The following CSF2RA variants were observed in gnomAD, a reference collection of about 807,000 sequenced individuals.
The protein encoded by CSF2RA is colony stimulating factor 2 receptor subunit alpha.
Under a neutral mutation model 51.6 loss-of-function variants are expected in CSF2RA, and 42 were observed. That is an observed-to-expected ratio of 0.81 (90% confidence interval 0.64 to 1.05). CSF2RA has a LOEUF of 1.05. CSF2RA is among the 50% of genes least tolerant of loss of function. The pLI is 0.00. For synonymous variants in CSF2RA, 222 were observed against 193.0 expected (o/e 1.15, Z -1.24); for missense variants, 530 against 501.1 (o/e 1.06, Z -0.55).
At chrX:1,292,916 G>T (rs1166143240) in intron 7 of CSF2RA, among the ~76,000 whole-genome samples, 1 of 152,092 alleles carries the variant, frequency 6.6e-6, no homozygotes, top group Non-Finnish European at 1.5e-5. Context: ...TGTCTCAGTG[G>T]GGGGAACCCT....
At chrX:1,307,998 A>AC (rs1379326774) in intron 12 of CSF2RA, among the ~76,000 whole-genome samples, 11 of 113,360 alleles carry the variant, frequency 9.7e-5, no homozygotes, top group African/African-American at 3.8e-4. Flanking sequence ...GACAAGGCCC[A>AC]CCCCCTTTAG....
chrX:1,284,868 C>A (rs1305998679), intron 3 of CSF2RA, among the ~76,000 whole-genome samples: 2 of 151,778 alleles, frequency 1.3e-5, no homozygotes, highest in East Asian at 3.9e-4. Context: ...GGTTTCACCA[C>A]ATTGGCCAGG....
the CSF2RA span, among the ~76,000 whole-genome samples, chrX:1,317,202 C>G: frequency 2.0e-5 from 3 of 149,932 alleles, no homozygotes; most frequent in Admixed American, 6.7e-5. Context: ...CCTGCCTCGG[C>G]CTCCCAAAGT....
chrX:1,324,936 G>A, the CSF2RA span, among the ~76,000 whole-genome samples: 3 of 152,064 alleles, frequency 2.0e-5, no homozygotes, highest in South Asian at 2.1e-4. Flanking sequence ...ATCACAGGAC[G>A]GTTGGGTTTC....
intron 12 of CSF2RA, among the ~76,000 whole-genome samples, chrX:1,307,946 A>C (rs2083836676): frequency 6.9e-6 from 1 of 144,984 alleles, no homozygotes; most frequent in African/African-American, 2.6e-5. Flanking sequence ...GATGAAGCCC[A>C]CCCTTCCCCC....
In CSF2RA at chrX:1,285,810, A is replaced by C. The variant is rs775556939; in HGVS notation, c.109A>C (p.Asn37His). ...LRTVAPASSL[N>H]VRFDSRTMNL... The stretch of plus-strand genomic sequence containing the variant: ...AACAGTGGCACCAGCCTCTAGTCTC[A>C]ATGTGAGGTTTGACTCCAGGACGAT... Residue 37 changes from asparagine (N) to histidine (H), a missense_variant, in exon 4 of 13, where the codon AAT (asparagine) becomes CAT (histidine). Transcript: ENST00000381529. 6.2e-7 allele frequency: 1 copy of C among 1,613,552 alleles called. No individual in the cohort carries two copies. Among genetic ancestry groups the C allele is most frequent in the Admixed American group, 1.7e-5 (1 of 59,944 alleles).
chrX:1,314,579 C>A (rs1430930604), downstream of CSF2RA, among the ~76,000 whole-genome samples: 5 of 41,316 alleles, frequency 1.2e-4, no homozygotes, highest in Non-Finnish European at 2.0e-4. Flanking sequence ...CTGCACCTGC[C>A]CAACCCCACT....
At chrX:1,272,388 A>AAG (rs1281813648) in intron 1 of CSF2RA, among the ~76,000 whole-genome samples, 1 of 151,708 alleles carries the variant, frequency 6.6e-6, no homozygotes, top group Admixed American at 6.6e-5. Context: ...GTACAAAAAA[A>AAG]AAAAGGTTAT....
intron 9 of CSF2RA, 93 bp from the exon 10 acceptor site, chrX:1,300,397 GA>G (rs1169901744): frequency 1.3e-5 from 18 of 1,437,404 alleles, no homozygotes; most frequent in Non-Finnish European, 1.4e-5. Flanking sequence ...AAAAGAAAAG[GA>G]GAAAAAAACT....
the CSF2RA span, among the ~76,000 whole-genome samples, chrX:1,325,134 G>A: frequency 2.6e-5 from 4 of 151,252 alleles, no homozygotes; most frequent in African/African-American, 9.7e-5. Flanking sequence ...GCCGAGACGG[G>A]CGGATCAAGA....
At chrX:1,316,239 ACAGAT>A in the CSF2RA span, among the ~76,000 whole-genome samples, 8,265 of 59,570 alleles carry the variant, frequency 0.14, 594 homozygotes, top group East Asian at 0.52. Context: ...ATGATAGATG[ACAGAT>A]GATAGATTAG....
intron 1 of CSF2RA, among the ~76,000 whole-genome samples, chrX:1,271,018 C>T (rs1487911155): frequency 2.7e-5 from 4 of 150,380 alleles, no homozygotes; most frequent in African/African-American, 9.9e-5. Context: ...TCCCCCATCC[C>T]TCGTGTATAA....
Position 1,307,251 on chromosome X carries a change from G to A in CSF2RA, c.1125+1724G>A, listed in dbSNP as rs558418888. On this transcript the variant is annotated intron_variant, in intron 12 of 12. Transcript: ENST00000381529. ...TTAAAAAGGAAATAAAACTCTTGTC[G>A]GGGAACCTCAGCTTTTATCCTTTAG... Among the ~76,000 whole-genome samples the A allele has an allele frequency of 5.3e-5, 8 of 152,258 alleles. 1 individual carries two copies. The highest frequency in any genetic ancestry group is 7.4e-5 in the Non-Finnish European group (5 of 68,000).
At chrX:1,305,844 G>A (rs2083508588) in intron 12 of CSF2RA, 1 of 1,484,994 alleles carries the variant, frequency 6.7e-7, no homozygotes, top group Non-Finnish European at 9.2e-7. Context: ...ACTTTGGGAG[G>A]TTGAGGCATG....
chrX:1,269,365 A>C (rs1397871010), intron 1 of CSF2RA, among the ~76,000 whole-genome samples: 1 of 152,136 alleles, frequency 6.6e-6, no homozygotes, highest in East Asian at 1.9e-4. Context: ...TCACGCCTGT[A>C]ATCCCAGCAC....
At chrX:1,324,951 C>T in the CSF2RA span, among the ~76,000 whole-genome samples, 1 of 152,074 alleles carries the variant, frequency 6.6e-6, no homozygotes, top group Non-Finnish European at 1.5e-5. Flanking sequence ...GGTTTCTCCG[C>T]CTCCTCCCTC....
the CSF2RA span, among the ~76,000 whole-genome samples, chrX:1,323,241 C>T: frequency 1.0e-4 from 15 of 148,496 alleles, no homozygotes; most frequent in South Asian, 2.6e-3. Context: ...GAACCGGGAG[C>T]GGTGGCTCAC....
At chrX:1,297,465 C>G (rs572154196) in intron 9 of CSF2RA, among the ~76,000 whole-genome samples, 1 of 8,242 alleles carries the variant, frequency 1.2e-4, no homozygotes, top group Non-Finnish European at 2.3e-4. Flanking sequence ...GACCCCTACA[C>G]TCTCCTACCC....
intron 2 of CSF2RA, among the ~76,000 whole-genome samples, chrX:1,277,279 G>A (rs767165718): frequency 6.6e-6 from 1 of 152,030 alleles, no homozygotes; most frequent in Admixed American, 6.6e-5. Flanking sequence ...CCCCCAAGAG[G>A]GGGTTCTTGG....
Sources: gnomAD v4.1 joint callset for allele counts (sites outside exome capture counted in the v4.1 genomes callset) on GRCh38, gnomAD v4.1.1 for gene constraint, MANE v1.5 for transcripts, NCBI Gene and HGNC (gene_info 2026-07-23, HGNC 2026-07-21) for gene names.